MPI: variants seen among roughly 807,000 people sequenced by gnomAD.
MPI encodes mannose-6-phosphate isomerase.
A neutral mutation model predicts 40.1 loss-of-function variants in MPI; 33 were observed. That is an observed-to-expected ratio of 0.82 (90% CI 0.62 to 1.10). The LOEUF is 1.10. Among genes scored for constraint, MPI ranks in the 50% least tolerant of loss-of-function variants. MPI has a pLI of 0.00. For missense variants in MPI, 514 were observed against 524.1 expected (o/e 0.98, Z 0.19); for synonymous variants, 187 against 207.4 (o/e 0.90, Z 0.85).
intron 2 of MPI, chr15:74,890,907 C>G: frequency 1.5e-6 from 1 of 645,740 alleles, no homozygotes; most frequent in African/African-American, 1.8e-5. Context: ...CCCTCTTTGA[C>G]AATTAAGTTT....
chr15:74,896,322 G>T lies in MPI; in HGVS notation c.841G>T (p.Gly281Ter), dbSNP rs752447493. Residue 281 changes from glycine to a stop codon, truncating the protein, a stop_gained, in exon 6 of 8, where the codon GGA becomes TGA. Transcript: ENST00000352410. LOFTEE classifies it high-confidence loss of function. ...CAACGTACCCCATGCCTACCTGAAA[G>T]GAGGTGAGCCACATTTCAGCAGTGA... is the stretch of plus-strand genomic sequence containing the variant. ...EANVPHAYLKGDCVECMACSD... is the reference protein window; with the variant it reads ...EANVPHAYLK 1.9e-6 allele frequency: 3 copies of T among 1,614,098 alleles called. No individual in the cohort carries two copies. In the South Asian group the frequency reaches 3.3e-5, roughly 18 times the overall value.
intron 5 of MPI, among the ~76,000 whole-genome samples, chr15:74,894,481 G>A (rs1440687268): frequency 2.0e-5 from 3 of 151,930 alleles, no homozygotes; most frequent in African/African-American, 4.8e-5. Context: ...CTTGAGGTCA[G>A]GAATTCAAGA....
rs2064830438 is a variant in MPI at position 74,897,145 on chromosome 15, A to G, written c.979A>G (p.Thr327Ala). ...SSSKDRLFLP[T>A]RSQEDPYLSI... ...CAGCAAGGACAGGCTCTTTCTCCCA[A>G]CACGGAGTCAGGAAGACCCCTACCT... The change falls in exon 7 of 8, where the codon ACA (threonine) becomes GCA (alanine). Residue 327 changes from threonine to alanine, a missense_variant. Transcript: ENST00000352410. The G allele has an allele frequency of 1.2e-6, 2 of 1,614,056 alleles. No homozygotes were observed. The highest frequency in any genetic ancestry group is 2.2e-5 in the South Asian group (2 of 91,086).
rs1038622126 is a variant in MPI at position 74,893,277 on chromosome 15, G to A, written c.627G>A (p.Val209=). The change falls in exon 5 of 8, where the codon GTG becomes GTA. Residue 209 remains valine (V), a synonymous_variant. Coordinates refer to ENST00000352410, the MANE Select transcript of MPI (RefSeq NM_002435.3). ...TGATGAAGAGTGAGAAGAAGGTGGT[G>A]GTGGAACAGCTCAACCTGTTGGTGA... is the stretch of plus-strand genomic sequence containing the variant. ...SHLMKSEKKV[V]VEQLNLLVKR... The A allele has an allele frequency of 1.2e-6, 2 of 1,614,106 alleles. No homozygotes were observed. The highest frequency in any genetic ancestry group is 1.3e-5 in the African/African-American group (1 of 74,938).
intron 3 of MPI, 125 bp downstream of exon 3, chr15:74,891,704 T>A (rs2064729829): frequency 2.9e-6 from 3 of 1,028,304 alleles, no homozygotes; most frequent in Non-Finnish European, 3.0e-6. Flanking sequence ...AAATCCAGGC[T>A]GACAACTCCC....
rs761017397 is a variant in MPI, at chr15:74,892,893, CAT to C, written c.487+92_487+93del. 3.8e-5 allele frequency: 61 copies of C among 1,596,038 alleles called. No homozygotes were observed. In the African/African-American group the frequency reaches 6.8e-4, roughly 18 times the overall value. On this transcript the variant is annotated intron_variant, in intron 4 of 7. Coordinates refer to ENST00000352410, the MANE Select transcript of MPI (RefSeq NM_002435.3). Reference sequence around the variant, plus strand: ...AGGAACAGTGGCTGAGAACGGGTCACATGTCACAGGAACTGAAGGGCCTCATG... The same window carrying C: ...AGGAACAGTGGCTGAGAACGGGTCACGTCACAGGAACTGAAGGGCCTCATG...
chr15:74,892,742 A>G lies in MPI; in HGVS notation c.427A>G (p.Thr143Ala). 1 of 1,614,222 alleles carries G rather than the reference A, an allele frequency of 6.2e-7. No homozygotes were observed. The highest frequency in any genetic ancestry group is 8.5e-7 in the Non-Finnish European group (1 of 1,180,042). The part of the protein sequence containing the change: ...NHKPEMAIAL[T>A]PFQGLCGFRP... ...CAAGCCAGAGATGGCCATTGCCCTCACCCCCTTCCAGGGCTTGTGTGGCTT... is the reference window on the plus strand; with the variant it reads ...CAAGCCAGAGATGGCCATTGCCCTCGCCCCCTTCCAGGGCTTGTGTGGCTT... The change falls in exon 4 of 8, where the codon ACC becomes GCC. Residue 143 changes from threonine (T) to alanine (A), a missense_variant. Transcript: ENST00000352410.
intron 2 of MPI, 75 bp from the exon 3 acceptor site, chr15:74,891,304 T>A: frequency 3.6e-6 from 5 of 1,391,120 alleles, no homozygotes; most frequent in Non-Finnish European, 5.1e-6. Context: ...GAGCACAGCA[T>A]AACGGATTGG....
Position 74,897,737 on chromosome 15 carries a change from C to T in MPI, c.*7C>T. ...TGCCTGCTGTCTGCTGTAAAGGCTG[C>T]AGCCTCCCCAGCTCTCCTCTGCCAG... is the stretch of plus-strand genomic sequence containing the variant. On this transcript the variant is annotated 3_prime_UTR_variant, in exon 8 of 8. Transcript: ENST00000352410. The T allele has an allele frequency of 6.2e-7, 1 of 1,612,810 alleles. No individual in the cohort carries two copies. Among genetic ancestry groups the T allele is most frequent in the Non-Finnish European group, 8.5e-7 (1 of 1,179,510 alleles).
chr15:74,897,335 G>T, intron 7 of MPI, 116 bp downstream of exon 7: 1 of 1,367,188 alleles, frequency 7.3e-7, no homozygotes. Flanking sequence ...GGCGGAGGGT[G>T]GCCCCAGGGC....
In MPI at chr15:74,896,242, T is replaced by C; in HGVS notation, c.761T>C (p.Ile254Thr). 2 of 1,614,176 alleles carry C rather than the reference T, an allele frequency of 1.2e-6. No individual in the cohort carries two copies. The highest frequency in any genetic ancestry group is 1.7e-6 in the Non-Finnish European group (2 of 1,180,028). ...CCAGGTGATATCGGCTGCTTTGCCA[T>C]CTACTTCCTGAACCTGCTTACCCTG... ...QYPGDIGCFAIYFLNLLTLKP... is the reference protein window; with the variant it reads ...QYPGDIGCFATYFLNLLTLKP... Residue 254 changes from isoleucine (I) to threonine (T), a missense_variant, in exon 6 of 8, where the codon ATC (isoleucine) becomes ACC (threonine). Transcript: ENST00000352410.
At position 74,894,035 on chromosome 15, in the gene MPI, GTTCAGT is replaced by G. The variant is rs1348720480; in HGVS notation, c.670+716_670+721del. The stretch of plus-strand genomic sequence containing the variant: ...ATTTGACCCAAGCATATTTTTTTCT[GTTCAGT>G]GTGTGTGTGTGTGTGTGTGTGTGTG... On this transcript the variant is annotated intron_variant, in intron 5 of 7. Coordinates refer to ENST00000352410, the MANE Select transcript of MPI (RefSeq NM_002435.3). Among the ~76,000 whole-genome samples, 81 of 90,954 alleles carry G rather than the reference GTTCAGT, an allele frequency of 8.9e-4. 14 individuals are homozygous for G. The highest frequency in any genetic ancestry group is 1.7e-3 in the Non-Finnish European group (60 of 35,382). 59.7% of individuals were successfully genotyped at this position (90,954 alleles called of 152,430 possible).
At chr15:74,892,003 T>G (rs1240996116) in intron 3 of MPI, among the ~76,000 whole-genome samples, 1 of 152,116 alleles carries the variant, frequency 6.6e-6, no homozygotes, top group Admixed American at 6.5e-5. Context: ...CTCCTTTTTT[T>G]TTTTTTCTGA....
chr15:74,890,304 C>A (rs988231981), intron 1 of MPI: 9 of 849,692 alleles, frequency 1.1e-5, no homozygotes, highest in Admixed American at 6.2e-5. Flanking sequence ...CTTCTGCTCC[C>A]TCCCCGCCAC....
chr15:74,890,892 T>C, intron 2 of MPI: 1 of 659,028 alleles, frequency 1.5e-6, no homozygotes, highest in Admixed American at 2.3e-5. Context: ...TGAATTTTAA[T>C]TCAGCCCTCT....
At chr15:74,892,541 G>A (rs2064742504) in intron 3 of MPI, 120 bp from the exon 4 acceptor site, 2 of 1,410,590 alleles carry the variant, frequency 1.4e-6, no homozygotes, top group Admixed American at 3.6e-5. Flanking sequence ...GCCAGAGGTA[G>A]GTAGTCACTG....
At position 74,900,668 on chromosome 15, in the gene MPI, T is replaced by G. The variant is rs1019359479; in HGVS notation, c.*2938T>G. 6.6e-6 allele frequency: 1 copy of G among 152,244 alleles called. No individual in the cohort carries two copies. The highest frequency in any genetic ancestry group is 1.5e-5 in the Non-Finnish European group (1 of 68,062). The allele number at this position is 152,244 out of a possible 1,614,324, so 9.4% of individuals were successfully genotyped here. A position where few individuals can be genotyped will look rare whatever the true frequency, so the allele number is the denominator to read the frequency against. On this transcript the variant is annotated 3_prime_UTR_variant, in exon 8 of 8. Transcript: ENST00000352410. ...GAAGGGGTTCTGGATGGAGATGTTC[T>G]TGAGCTCTACAAGCATTTGCACAAA...
rs996694425 is a variant in MPI at position 74,899,045 on chromosome 15, G to A, written c.*1315G>A. 2 of 152,264 alleles carry A rather than the reference G, an allele frequency of 1.3e-5. No individual in the cohort carries two copies. The highest frequency in any genetic ancestry group is 2.9e-5 in the Non-Finnish European group (2 of 68,068). 9.4% of individuals were successfully genotyped at this position (152,264 alleles called of 1,614,324 possible). On this transcript the variant is annotated 3_prime_UTR_variant, in exon 8 of 8. Coordinates refer to ENST00000352410, the MANE Select transcript of MPI (RefSeq NM_002435.3). Reference sequence around the variant, plus strand: ...CTCTACAACATACTCAACTGTTGCAGATTACAGGGACTCAGGAACCGAATT... The same window carrying A: ...CTCTACAACATACTCAACTGTTGCAAATTACAGGGACTCAGGAACCGAATT...
At chr15:74,895,946 T>C (rs1469795113) in intron 5 of MPI, 1 of 608,822 alleles carries the variant, frequency 1.6e-6, no homozygotes, top group Non-Finnish European at 2.9e-6. Flanking sequence ...AGTCAAGATA[T>C]GATGAAAGAT....
Sources: allele counts gnomAD v4.1 joint callset (sites outside exome capture counted in the v4.1 genomes callset), GRCh38; gene constraint gnomAD v4.1.1; transcripts MANE v1.5; gene names NCBI Gene and HGNC (gene_info 2026-07-23, HGNC 2026-07-21).